FOXP1: variants seen among roughly 807,000 people sequenced by gnomAD.
The protein encoded by FOXP1 is forkhead box protein P1.
A neutral mutation model predicts 98.2 loss-of-function variants in FOXP1; 15 were observed. That is an observed-to-expected ratio of 0.15 (90% CI 0.10 to 0.24). The LOEUF (loss-of-function observed/expected upper bound fraction) is 0.24. Ranked by LOEUF, FOXP1 falls within the 10% of genes least tolerant of loss-of-function variation. The pLI, the probability that FOXP1 is intolerant of heterozygous loss-of-function variation, is 1.00. For synonymous variants in FOXP1, 371 were observed against 314.5 expected, an observed-to-expected ratio of 1.18 and a Z score of -1.90; for missense variants, 633 against 848.5, an observed-to-expected ratio of 0.75 and a Z score of 3.15.
At position 71,367,921 on chromosome 3, in the gene FOXP1, T is replaced by C. The variant is rs968751326; in HGVS notation, c.-167-8677A>G. ...CTCCAGGAGCAGAAGAAAAAAATAATGCCAACCACAGAACACAAGCAGATA... is the reference window on the plus strand; with the variant it reads ...CTCCAGGAGCAGAAGAAAAAAATAACGCCAACCACAGAACACAAGCAGATA... On this transcript the variant is annotated intron_variant, in intron 3 of 20. Coordinates refer to ENST00000649528, the MANE Select transcript of FOXP1 (RefSeq NM_001349338.3). 3.3e-5 allele frequency among the ~76,000 whole-genome samples: 5 copies of C among 152,056 alleles called. 1 individual carries two copies. The highest frequency in any genetic ancestry group is 2.6e-4 in the Admixed American group (4 of 15,264).
intron 6 of FOXP1, among the ~76,000 whole-genome samples, chr3:71,135,068 G>A (rs1216463075): frequency 3.9e-5 from 6 of 151,956 alleles, no homozygotes; most frequent in African/African-American, 1.2e-4. Flanking sequence ...AGACCATCCT[G>A]GCCAACACGG....
chr3:71,062,523 T>C (rs1387506442), intron 7 of FOXP1, among the ~76,000 whole-genome samples: 1 of 152,162 alleles, frequency 6.6e-6, no homozygotes, highest in African/African-American at 2.4e-5. Flanking sequence ...TTGCAGAAAA[T>C]GCACTTGACA....
chr3:71,005,741 A>T (rs1419337716), intron 12 of FOXP1, among the ~76,000 whole-genome samples: 1 of 152,152 alleles, frequency 6.6e-6, no homozygotes, highest in African/African-American at 2.4e-5. Context: ...TTCCAAAAAT[A>T]AAGCAAGAAA....
intron 11 of FOXP1, among the ~76,000 whole-genome samples, chr3:71,023,347 T>C (rs1027589392): frequency 6.6e-6 from 1 of 152,208 alleles, no homozygotes; most frequent in African/African-American, 2.4e-5. Flanking sequence ...CCTGTGATTT[T>C]TGTCTGCACG....
At chr3:71,319,551 GC>G (rs889277393) in intron 4 of FOXP1, among the ~76,000 whole-genome samples, 4 of 151,974 alleles carry the variant, frequency 2.6e-5, no homozygotes, top group African/African-American at 9.7e-5. Flanking sequence ...CAGTCTCATA[GC>G]CCCCTACTCT....
At chr3:71,472,427 A>G (rs2089446547) in intron 3 of FOXP1, among the ~76,000 whole-genome samples, 1 of 145,650 alleles carries the variant, frequency 6.9e-6, no homozygotes, top group African/African-American at 2.5e-5. Flanking sequence ...AAAATATGTA[A>G]AATCATACTT....
chr3:71,214,624 T>C (rs1387990207), intron 5 of FOXP1, among the ~76,000 whole-genome samples: 1 of 152,200 alleles, frequency 6.6e-6, no homozygotes, highest in African/African-American at 2.4e-5. Context: ...GAATTAAAAT[T>C]ACTAGTCTTC....
At chr3:71,308,830 G>C (rs1047584528) in intron 4 of FOXP1, among the ~76,000 whole-genome samples, 2 of 147,746 alleles carry the variant, frequency 1.4e-5, no homozygotes, top group Non-Finnish European at 3.0e-5. Context: ...CAGCTCCAAA[G>C]CAACTCTTTA....
chr3:70,983,280 G>C (rs1354843123), intron 14 of FOXP1, among the ~76,000 whole-genome samples: 1 of 151,492 alleles, frequency 6.6e-6, no homozygotes, highest in Non-Finnish European at 1.5e-5. Flanking sequence ...TAGTTGAAAG[G>C]TTGGTGGGGG....
rs536204058 is a variant in FOXP1 at position 71,482,273 on chromosome 3, A to G, written c.-168+11153T>C. Among the ~76,000 whole-genome samples the G allele has an allele frequency of 3.3e-5, 5 of 152,254 alleles. No homozygotes were observed. The East Asian group carries it at 7.7e-4, about 23-fold the overall frequency. On this transcript the variant is annotated intron_variant, in intron 3 of 20. Transcript: ENST00000649528. ...CTTCTCACATTTTTATTAATGTCAT[A>G]ATTAGCAATATCATCTGAGAAGCCA...
chr3:71,578,429 T>C (rs2047896381), intron 2 of FOXP1, among the ~76,000 whole-genome samples: 2 of 152,240 alleles, frequency 1.3e-5, no homozygotes, highest in Non-Finnish European at 2.9e-5. Context: ...TGCTATACCC[T>C]GTAAATATTC....
chr3:71,257,017 G>C (rs80172007), intron 5 of FOXP1, among the ~76,000 whole-genome samples: 1 of 152,070 alleles, frequency 6.6e-6, no homozygotes, highest in African/African-American at 2.4e-5. Flanking sequence ...TTGGCCAAAG[G>C]GAATCTCTGT....
chr3:71,570,018 C>T (rs1173023106), intron 2 of FOXP1, among the ~76,000 whole-genome samples: 1 of 152,056 alleles, frequency 6.6e-6, no homozygotes, highest in Non-Finnish European at 1.5e-5. Context: ...CCTCGTGATC[C>T]ACCCGCCTCG....
chr3:71,364,741 A>C (rs2078802461), intron 3 of FOXP1, among the ~76,000 whole-genome samples: 1 of 152,258 alleles, frequency 6.6e-6, no homozygotes, highest in African/African-American at 2.4e-5. Flanking sequence ...AGAGGTTTTG[A>C]AAACCCAGCC....
chr3:71,075,010 A>T (rs1249518648), intron 7 of FOXP1, among the ~76,000 whole-genome samples: 1 of 152,254 alleles, frequency 6.6e-6, no homozygotes, highest in East Asian at 1.9e-4. Context: ...GGCAGAGGCC[A>T]GCAGCCTCAG....
At chr3:71,482,566 G>T (rs889540079) in intron 3 of FOXP1, among the ~76,000 whole-genome samples, 3 of 151,232 alleles carry the variant, frequency 2.0e-5, no homozygotes, top group African/African-American at 7.3e-5. Flanking sequence ...ATGCCCAGCT[G>T]ATTTTTTATT....
chr3:71,432,840 A>G (rs1272360791), intron 3 of FOXP1, among the ~76,000 whole-genome samples: 1 of 150,274 alleles, frequency 6.7e-6, no homozygotes, highest in African/African-American at 2.5e-5. Flanking sequence ...GGAAATGTGA[A>G]CATGTTAAAA....
intron 4 of FOXP1, among the ~76,000 whole-genome samples, chr3:71,310,495 A>AG (rs1425709556): frequency 6.6e-6 from 1 of 152,216 alleles, no homozygotes; most frequent in Non-Finnish European, 1.5e-5. Flanking sequence ...GGCATGCTGG[A>AG]GGCAGACGTT....
intron 20 of FOXP1, among the ~76,000 whole-genome samples, chr3:70,960,620 G>A (rs185469722): frequency 3.9e-5 from 6 of 152,090 alleles, no homozygotes; most frequent in Non-Finnish European, 7.4e-5. Flanking sequence ...TTAAATTGAC[G>A]TTATCAAGTA....
Sources: allele counts gnomAD v4.1 joint callset (sites outside exome capture counted in the v4.1 genomes callset), GRCh38; gene constraint gnomAD v4.1.1; transcripts MANE v1.5; gene names NCBI Gene and HGNC (gene_info 2026-07-23, HGNC 2026-07-21).